The following LRP2BP variants were observed in gnomAD, a reference collection of about 807,000 sequenced individuals.
The protein encoded by LRP2BP is LRP2 binding protein, also known as LRP2-binding protein.
Under a neutral mutation model 45.2 loss-of-function variants are expected in LRP2BP, and 38 were observed. The observed-to-expected ratio is 0.84, with a 90% CI of 0.65 to 1.10. The LOEUF is 1.10. Ranked by LOEUF, LRP2BP falls within the 50% of genes least tolerant of loss-of-function variation. The pLI is 0.00. For missense variants in LRP2BP, 385 were observed against 418.9 expected, an observed-to-expected ratio of 0.92 and a Z score of 0.71; for synonymous variants, 153 against 153.9, an observed-to-expected ratio of 0.99 and a Z score of 0.04.
upstream of LRP2BP, chr4:185,396,684 G>T (rs901769290): frequency 1.9e-5 from 10 of 538,050 alleles, no homozygotes; most frequent in East Asian, 2.9e-4. Flanking sequence ...GGCTCCACGT[G>T]CCAGTGTTTG....
intron 1 of LRP2BP, among the ~76,000 whole-genome samples, chr4:185,393,070 A>T (rs2095492448): frequency 6.6e-6 from 1 of 152,142 alleles, no homozygotes; most frequent in African/African-American, 2.4e-5. Context: ...AGTAGCTGGC[A>T]TTACAGGCAC....
intron 1 of LRP2BP, among the ~76,000 whole-genome samples, chr4:185,384,336 A>T (rs1245238707): frequency 1.3e-5 from 2 of 152,118 alleles, no homozygotes; most frequent in South Asian, 4.1e-4. Context: ...ATCAATTTCG[A>T]TTGTTTATAA....
At chr4:185,384,104 T>C (rs1170138356) in intron 1 of LRP2BP, among the ~76,000 whole-genome samples, 1 of 152,124 alleles carries the variant, frequency 6.6e-6, no homozygotes, top group Admixed American at 6.5e-5. Context: ...CCTAAGGTGA[T>C]GGTATTAAGA....
In LRP2BP at chr4:185,395,784, T is replaced by C. The variant is rs2126861943; in HGVS notation, c.-1027A>G. The C allele has an allele frequency of 1.0e-6, 1 of 985,402 alleles. No individual in the cohort carries two copies. Among genetic ancestry groups the C allele is most frequent in the African/African-American group, 1.7e-5 (1 of 57,358 alleles). 61.0% of individuals were successfully genotyped at this position (985,402 alleles called of 1,614,324 possible). The stretch of plus-strand genomic sequence containing the variant: ...AGCATGAACTTGTTTTCTAACAGCA[T>C]AACAATAAACGTATTTATTTCTCCG... On this transcript the variant is annotated 5_prime_UTR_variant, in exon 1 of 9. An upstream start codon of the reference 5' UTR is lost. Transcript: ENST00000505916.
At chr4:185,390,054 G>A (rs2095484067) in intron 1 of LRP2BP, among the ~76,000 whole-genome samples, 1 of 152,082 alleles carries the variant, frequency 6.6e-6, no homozygotes, top group African/African-American at 2.4e-5. Context: ...ATTTTAAAAT[G>A]CCCATAAACA....
At chr4:185,390,420 G>A (rs2095485042) in intron 1 of LRP2BP, among the ~76,000 whole-genome samples, 1 of 151,960 alleles carries the variant, frequency 6.6e-6, no homozygotes, top group Non-Finnish European at 1.5e-5. Flanking sequence ...TAGGGAGGCT[G>A]AGGCAGGAGA....
At chr4:185,397,089 C>A, upstream of LRP2BP, 2 of 1,609,706 alleles carry the variant, frequency 1.2e-6, no homozygotes, top group Non-Finnish European at 1.7e-6. Flanking sequence ...GGTTTCCAGC[C>A]CGGAGGGGCG....
Position 185,378,109 on chromosome 4 carries a change from T to C in LRP2BP, c.78A>G (p.Lys26=). The change falls in exon 2 of 9, where the codon AAA becomes AAG. Residue 26 remains lysine, a synonymous_variant. Transcript: ENST00000505916. ...TCTTTTCCTTTTTCCACTGGAAAAA[T>C]TTTTGGTTTTTAGCAGCATACTGAG... ...SVSQYAAKNQ[K]FFQWKKEKTD... is the part of the protein sequence containing the mutation. 6.2e-7 allele frequency: 1 copy of C among 1,613,524 alleles called. No individual in the cohort carries two copies. Among genetic ancestry groups the C allele is most frequent in the African/African-American group, 1.3e-5 (1 of 74,986 alleles).
At chr4:185,375,579 A>C (rs370667498) in intron 4 of LRP2BP, 34 bp downstream of exon 4, 74 of 1,188,778 alleles carry the variant, frequency 6.2e-5, no homozygotes, top group Non-Finnish European at 7.7e-5. Flanking sequence ...CTGACAATGA[A>C]ATCTTAACCA....
intron 8 of LRP2BP, among the ~76,000 whole-genome samples, chr4:185,368,604 C>T (rs2095401202): frequency 6.6e-6 from 1 of 152,182 alleles, no homozygotes; most frequent in African/African-American, 2.4e-5. Context: ...TCATTCCAGA[C>T]CCTTCACTGG....
Position 185,378,884 on chromosome 4 carries a change from T to C in LRP2BP, c.-21-677A>G, listed in dbSNP as rs1561086013. The C allele has an allele frequency of 3.0e-6, 3 of 985,454 alleles. No homozygotes were observed. In the South Asian group the frequency reaches 1.4e-4, roughly 46 times the overall value. 61.0% of individuals were successfully genotyped at this position (985,454 alleles called of 1,614,324 possible). On this transcript the variant is annotated intron_variant, in intron 1 of 8. Transcript: ENST00000505916. ...TTGGCATTCCACTGTTATGGCTTACTTTCACCAATCAGAAACAAGCTTCCA... is the reference window on the plus strand; with the variant it reads ...TTGGCATTCCACTGTTATGGCTTACCTTCACCAATCAGAAACAAGCTTCCA...
chr4:185,393,167 G>GA (rs1272665325), intron 1 of LRP2BP, among the ~76,000 whole-genome samples: 1 of 90,782 alleles, frequency 1.1e-5, no homozygotes, highest in East Asian at 6.3e-4. Flanking sequence ...CTGGCCACAA[G>GA]TGATCTGCCT....
At chr4:185,391,346 T>C (rs907278791) in intron 1 of LRP2BP, among the ~76,000 whole-genome samples, 6 of 152,216 alleles carry the variant, frequency 3.9e-5, no homozygotes, top group East Asian at 1.9e-4. Context: ...GTCGCTTCGT[T>C]TTCCCCTTCC....
At chr4:185,369,742 TC>T in intron 8 of LRP2BP, 1 of 441,012 alleles carries the variant, frequency 2.3e-6, no homozygotes, top group Non-Finnish European at 4.5e-6. Context: ...GACATTGGAA[TC>T]CCACAGGGAA....
At chr4:185,372,809 T>G (rs373553940) in intron 7 of LRP2BP, 47 bp downstream of exon 7, 1 of 1,433,868 alleles carries the variant, frequency 7.0e-7, no homozygotes, top group South Asian at 1.3e-5. Context: ...AATTACCTAG[T>G]GTGTGATATT....
Position 185,370,705 on chromosome 4 carries a change from T to C in LRP2BP, c.913A>G (p.Arg305Gly), listed in dbSNP as rs140212259. 126 of 1,613,944 alleles carry C rather than the reference T, an allele frequency of 7.8e-5. No homozygotes were observed. Among genetic ancestry groups the C allele is most frequent in the Non-Finnish European group, 1.0e-4 (119 of 1,180,024 alleles). ...ATGCCCAAGCCAAGCTGAAGACACC[T>C]TGCGTGGTAGAAGGATGCCATTGCC... ...GMAMASFYHA[R>G]CLQLGLGITR... The change falls in exon 8 of 9, where the codon AGG becomes GGG. Residue 305 changes from arginine (R) to glycine (G), a missense_variant. Arg to Gly is a moderately radical substitution (Grantham distance 125). Transcript: ENST00000505916.
At chr4:185,371,508 C>T (rs530583725) in intron 7 of LRP2BP, among the ~76,000 whole-genome samples, 1 of 138,904 alleles carries the variant, frequency 7.2e-6, no homozygotes, top group African/African-American at 2.7e-5. Context: ...CACCACTGCA[C>T]TCCAGCCTGG....
intron 1 of LRP2BP, among the ~76,000 whole-genome samples, chr4:185,390,302 G>C (rs1169421864): frequency 6.6e-6 from 1 of 152,082 alleles, no homozygotes; most frequent in East Asian, 1.9e-4. Context: ...TTTGAGGTCA[G>C]GAGTTCAAGA....
intron 1 of LRP2BP, among the ~76,000 whole-genome samples, chr4:185,380,834 G>A (rs6849261): frequency 1.3e-5 from 2 of 150,582 alleles, no homozygotes; most frequent in African/African-American, 2.4e-5. Context: ...ATTTTCCATC[G>A]TTTTTTTTCT....
Sources: gnomAD v4.1 joint callset for allele counts (sites outside exome capture counted in the v4.1 genomes callset) on GRCh38, gnomAD v4.1.1 for gene constraint, MANE v1.5 for transcripts, NCBI Gene and HGNC (gene_info 2026-07-23, HGNC 2026-07-21) for gene names.